Variants in SUPT3H observed in about 807,000 individuals in gnomAD.
SUPT3H encodes transcription initiation protein SPT3 homolog.
Under a neutral mutation model 44.3 loss-of-function variants are expected in SUPT3H, and 44 were observed. That is an observed-to-expected ratio of 0.99 (90% CI 0.78 to 1.28). The LOEUF (loss-of-function observed/expected upper bound fraction) is 1.28. Ranked by LOEUF, SUPT3H falls within the 50% of genes most tolerant of loss-of-function variation. The pLI is 0.00. For synonymous variants in SUPT3H, 124 were observed against 125.6 expected, an observed-to-expected ratio of 0.99 and a Z score of 0.09; for missense variants, 380 against 387.1, an observed-to-expected ratio of 0.98 and a Z score of 0.15.
chr6:44,888,251 C>T (rs1011209151), intron 10 of SUPT3H, among the ~76,000 whole-genome samples: 1 of 152,164 alleles, frequency 6.6e-6, no homozygotes, highest in African/African-American at 2.4e-5. Context: ...GGGAATCCTC[C>T]CTGACTCATT....
intron 2 of SUPT3H, among the ~76,000 whole-genome samples, chr6:45,138,503 A>G (rs1804673173): frequency 6.6e-6 from 1 of 152,208 alleles, no homozygotes; most frequent in South Asian, 2.1e-4. Context: ...ACGTCCATAC[A>G]ATGGAATATT....
At position 45,188,815 on chromosome 6, in the gene SUPT3H, T is replaced by G. The variant is rs1814677654; in HGVS notation, c.102-82809A>C. ...TGTGTACCTCAGCACTTAACCACCC[T>G]TAAATGATGGTACTCATTTTTATAG... On this transcript the variant is annotated intron_variant, in intron 2 of 10. Coordinates refer to ENST00000371459, the MANE Select transcript of SUPT3H (RefSeq NM_003599.4). Among the ~76,000 whole-genome samples, 7 of 152,208 alleles carry G rather than the reference T, an allele frequency of 4.6e-5. 1 individual carries two copies. The South Asian group carries it at 1.4e-3, about 31-fold the overall frequency.
Position 45,054,897 on chromosome 6 carries a change from G to T in SUPT3H, c.187-34265C>A, listed in dbSNP as rs143372038. On this transcript the variant is annotated intron_variant, in intron 3 of 10. Transcript: ENST00000371459. ...TCTCAGCAAAAGTGGAAGCCTTATG[G>T]GTTCAAAATGTTTGAACCCATAAGA... Among the ~76,000 whole-genome samples, 213 of 152,060 alleles carry T rather than the reference G, an allele frequency of 1.4e-3. 3 individuals are homozygous for T. Among genetic ancestry groups the T allele is most frequent in the African/African-American group, 5.0e-3 (207 of 41,492 alleles).
intron 2 of SUPT3H, among the ~76,000 whole-genome samples, chr6:45,155,006 T>C (rs1425801992): frequency 6.6e-6 from 1 of 152,112 alleles, no homozygotes; most frequent in Non-Finnish European, 1.5e-5. Flanking sequence ...AGTGAAACTC[T>C]GTTCATCTTA....
At chr6:45,055,236 C>A (rs1415103279) in intron 3 of SUPT3H, among the ~76,000 whole-genome samples, 1 of 152,042 alleles carries the variant, frequency 6.6e-6, no homozygotes, top group Admixed American at 6.6e-5. Flanking sequence ...GTGAAAATGA[C>A]CATACTGCCA....
chr6:45,098,064 G>A (rs1798039491), intron 3 of SUPT3H: 2 of 153,182 alleles, frequency 1.3e-5, no homozygotes, highest in Admixed American at 6.5e-5. Context: ...CCAGAACTGG[G>A]AGGGGGTGGA....
At chr6:45,172,072 CTTTT>C (rs113003297) in intron 2 of SUPT3H, among the ~76,000 whole-genome samples, 2 of 135,702 alleles carry the variant, frequency 1.5e-5, no homozygotes, top group African/African-American at 5.4e-5. Flanking sequence ...ATTTATTTAT[CTTTT>C]TTTTTTTTTC....
chr6:44,937,911 T>C (rs1017381305), intron 9 of SUPT3H, among the ~76,000 whole-genome samples: 4 of 138,036 alleles, frequency 2.9e-5, no homozygotes, highest in Non-Finnish European at 6.2e-5. Flanking sequence ...TTTTTTTTTT[T>C]TTTTTTTTTT....
At chr6:45,267,979 TA>T (rs1775529865) in intron 2 of SUPT3H, among the ~76,000 whole-genome samples, 1 of 152,128 alleles carries the variant, frequency 6.6e-6, no homozygotes, top group Admixed American at 6.6e-5. Flanking sequence ...GCAACAATAG[TA>T]AAAAGAGTTA....
intron 2 of SUPT3H, among the ~76,000 whole-genome samples, chr6:45,256,687 G>C (rs967221238): frequency 3.3e-5 from 5 of 151,956 alleles, no homozygotes; most frequent in Non-Finnish European, 5.9e-5. Flanking sequence ...TTTTATAGTA[G>C]TAAAATAATA....
At chr6:45,232,380 T>C (rs987529969) in intron 2 of SUPT3H, among the ~76,000 whole-genome samples, 1 of 152,214 alleles carries the variant, frequency 6.6e-6, no homozygotes, top group African/African-American at 2.4e-5. Flanking sequence ...GTAGATCCTA[T>C]GGTAATGTTT....
intron 7 of SUPT3H, among the ~76,000 whole-genome samples, chr6:44,957,969 T>C (rs558278240): frequency 3.3e-5 from 5 of 152,282 alleles, no homozygotes; most frequent in South Asian, 2.1e-4. Context: ...CAAGGTATTG[T>C]TGGTTCCAGC....
At chr6:44,813,586 A>AC in intron 11 of SUPT3H, among the ~76,000 whole-genome samples, 1 of 151,828 alleles carries the variant, frequency 6.6e-6, no homozygotes, top group East Asian at 1.9e-4. Flanking sequence ...GAAAAAAAAA[A>AC]AAACAGACAA....
chr6:45,240,068 T>C (rs781480666), intron 2 of SUPT3H, among the ~76,000 whole-genome samples: 10 of 152,202 alleles, frequency 6.6e-5, no homozygotes, highest in Admixed American at 1.3e-4. Flanking sequence ...AAATAATAAC[T>C]TGGGGTAGAG....
chr6:45,285,989 A>G (rs1779174368), intron 2 of SUPT3H, among the ~76,000 whole-genome samples: 1 of 135,878 alleles, frequency 7.4e-6, no homozygotes, highest in Non-Finnish European at 1.6e-5. Context: ...AAAACAAGAA[A>G]TGGGGAAAGG....
At chr6:45,315,971 A>AGATAGATAGATAGATG (rs1452906471) in intron 2 of SUPT3H, among the ~76,000 whole-genome samples, 1 of 146,054 alleles carries the variant, frequency 6.8e-6, no homozygotes, top group African/African-American at 2.5e-5. Flanking sequence ...ATAGATAGAT[A>AGATAGATAGATAGATG]GATGATGGAA....
chr6:45,105,774 G>A (rs1037907383), intron 3 of SUPT3H, 148 bp downstream of exon 3: 7 of 513,550 alleles, frequency 1.4e-5, no homozygotes, highest in African/African-American at 1.1e-4. Flanking sequence ...CATTAAACTA[G>A]TAAATTTTGT....
At chr6:44,929,421 A>T (rs114193088) in intron 10 of SUPT3H, among the ~76,000 whole-genome samples, 1 of 152,328 alleles carries the variant, frequency 6.6e-6, no homozygotes, top group Non-Finnish European at 1.5e-5. Context: ...TAGATGTTAC[A>T]TTTAAATATA....
intron 6 of SUPT3H, among the ~76,000 whole-genome samples, chr6:45,002,728 G>A (rs1782168965): frequency 6.6e-6 from 1 of 152,076 alleles, no homozygotes; most frequent in East Asian, 1.9e-4. Context: ...ACTGCCTTTA[G>A]ATCACAGTTC....
Sources: allele counts gnomAD v4.1 joint callset (sites outside exome capture counted in the v4.1 genomes callset), GRCh38; gene constraint gnomAD v4.1.1; transcripts MANE v1.5; gene names NCBI Gene and HGNC (gene_info 2026-07-23, HGNC 2026-07-21).